RNF139: variants seen among roughly 807,000 people sequenced by gnomAD.
The protein encoded by RNF139 is ring finger protein 139.
RNF139 carries 15 observed loss-of-function variants against 49.5 expected under a neutral mutation model. The observed-to-expected ratio is 0.30, with a 90% CI of 0.20 to 0.47. The LOEUF (loss-of-function observed/expected upper bound fraction) is 0.47. Among genes scored for constraint, RNF139 ranks in the 20% least tolerant of loss-of-function variants. The pLI is 1.00. For missense variants in RNF139, 619 were observed against 806.3 expected, an observed-to-expected ratio of 0.77 and a Z score of 2.81; for synonymous variants, 325 against 300.9, an observed-to-expected ratio of 1.08 and a Z score of -0.83.
intron 1 of RNF139, among the ~76,000 whole-genome samples, chr8:124,479,364 C>A (rs911216924): frequency 2.0e-5 from 3 of 152,120 alleles, no homozygotes; most frequent in African/African-American, 7.2e-5. Context: ...TGTATTGATA[C>A]AAATCTGTTC....
intron 1 of RNF139, among the ~76,000 whole-genome samples, chr8:124,479,370 T>A (rs942733945): frequency 1.3e-5 from 2 of 152,200 alleles, no homozygotes. Context: ...GATACAAATC[T>A]GTTCATTGTA....
rs572621528 is a variant in RNF139, at chr8:124,477,646, C to A, written c.181+2356C>A. ...CAACCGGTTAGAAAATAAAGCAACT[C>A]ATTTTGGAGATCCAAATAAAATTCT... On this transcript the variant is annotated intron_variant, in intron 1 of 1. Transcript: ENST00000303545. Among the ~76,000 whole-genome samples, 5 of 152,298 alleles carry A rather than the reference C, an allele frequency of 3.3e-5. No individual in the cohort carries two copies. The East Asian group carries it at 9.6e-4, about 29-fold the overall frequency.
At position 124,487,301 on chromosome 8, in the gene RNF139, A is replaced by T. The variant is rs771664220; in HGVS notation, c.1652A>T (p.Tyr551Phe). ...QEINDVCAIC[Y>F]HEFTTSARIT... ...ATAAATGATGTATGTGCAATCTGCT[A>T]TCATGAGTTTACAACATCTGCTCGT... Residue 551 changes from tyrosine (Y) to phenylalanine (F), a missense_variant, in exon 2 of 2, where the codon TAT becomes TTT. Physicochemically the swap from Tyr to Phe is conservative, Grantham distance 22. Coordinates refer to ENST00000303545, the MANE Select transcript of RNF139 (RefSeq NM_007218.4). 1 of 1,614,120 alleles carries T rather than the reference A, an allele frequency of 6.2e-7. No homozygotes were observed. The highest frequency in any genetic ancestry group is 8.5e-7 in the Non-Finnish European group (1 of 1,179,994).
At chr8:124,481,969 T>C (rs1816419523) in intron 1 of RNF139, among the ~76,000 whole-genome samples, 1 of 152,170 alleles carries the variant, frequency 6.6e-6, no homozygotes, top group Admixed American at 6.5e-5. Flanking sequence ...GGAACGTGAC[T>C]ATAAAAGGAA....
At chr8:124,484,086 A>G (rs551916708) in intron 1 of RNF139, among the ~76,000 whole-genome samples, 12 of 152,320 alleles carry the variant, frequency 7.9e-5, no homozygotes, top group African/African-American at 2.6e-4. Context: ...CAAAGAAAGT[A>G]GGTTTCTAGG....
Position 124,475,064 on chromosome 8 carries a change from C to G in RNF139, c.-46C>G. 1 of 1,346,214 alleles carries G rather than the reference C, an allele frequency of 7.4e-7. No individual in the cohort carries two copies. Among genetic ancestry groups the G allele is most frequent in the Non-Finnish European group, 9.5e-7 (1 of 1,052,244 alleles). The allele number at this position is 1,346,214 out of a possible 1,614,324, so 83.4% of individuals were successfully genotyped here. The stretch of plus-strand genomic sequence containing the variant: ...CCGGCCGCGGCCCCGGGCCCTGCCC[C>G]GCGCGGCCCTGCCCGGCCCACCGAG... On this transcript the variant is annotated 5_prime_UTR_variant, in exon 1 of 2. Transcript: ENST00000303545.
Position 124,486,987 on chromosome 8 carries a change from T to A in RNF139, c.1338T>A (p.Ile446=). ...TCACTGTTTATACGTTATTCATGAT[T>A]GATGGCTACTATAATGTCCTCTGGG... ...VSLTVYTLFM[I]DGYYNVLWEK... Residue 446 remains isoleucine, a synonymous_variant, in exon 2 of 2, where the codon ATT becomes ATA. Coordinates refer to ENST00000303545, the MANE Select transcript of RNF139 (RefSeq NM_007218.4). The A allele has an allele frequency of 6.2e-7, 1 of 1,614,098 alleles. No homozygotes were observed. The highest frequency in any genetic ancestry group is 1.3e-5 in the African/African-American group (1 of 75,040).
intron 1 of RNF139, among the ~76,000 whole-genome samples, chr8:124,482,157 ATTAT>A (rs1202831693): frequency 1.8e-4 from 28 of 152,264 alleles, no homozygotes; most frequent in African/African-American, 6.7e-4. Flanking sequence ...GTCTTACTAC[ATTAT>A]TTGTCTATCT....
In RNF139 at chr8:124,487,713, C is replaced by G; in HGVS notation, c.*69C>G. The G allele has an allele frequency of 6.9e-7, 1 of 1,443,816 alleles. No individual in the cohort carries two copies. Among genetic ancestry groups the G allele is most frequent in the African/African-American group, 1.4e-5 (1 of 70,624 alleles). 89.4% of individuals were successfully genotyped at this position (1,443,816 alleles called of 1,614,324 possible). On this transcript the variant is annotated 3_prime_UTR_variant, in exon 2 of 2. Coordinates refer to ENST00000303545, the MANE Select transcript of RNF139 (RefSeq NM_007218.4). ...CAGTTCATCCAAAATGGAGTAATAT[C>G]CTTCACCTTCAGTGTGTAACCAAGC...
rs1193814222 is a variant in RNF139, at chr8:124,486,173, G to C, written c.524G>C (p.Arg175Thr). The change falls in exon 2 of 2, where the codon AGA becomes ACA. Residue 175 changes from arginine (R) to threonine (T), a missense_variant. Arg to Thr is a moderately conservative substitution (Grantham distance 71, BLOSUM62 -1). This residue lies in a region of RNF139 where 530 missense variants were observed against 728.9 expected (regional missense o/e 0.73). Transcript: ENST00000303545. ...GLITELPLHI[R>T]ETLLFTSSLI... ...ATCACAGAGCTACCATTACACATCA[G>C]AGAGACTTTACTGTTTACTTCTTCC... is the stretch of plus-strand genomic sequence containing the variant. The C allele has an allele frequency of 6.2e-7, 1 of 1,614,068 alleles. No individual in the cohort carries two copies. Among genetic ancestry groups the C allele is most frequent in the Non-Finnish European group, 8.5e-7 (1 of 1,180,028 alleles).
intron 1 of RNF139, among the ~76,000 whole-genome samples, chr8:124,475,513 T>C (rs1816299510): frequency 6.6e-6 from 1 of 152,192 alleles, no homozygotes; most frequent in Non-Finnish European, 1.5e-5. Flanking sequence ...GTGTTGTACC[T>C]GAGTGAGGTG....
At position 124,488,504 on chromosome 8, in the gene RNF139, C is replaced by T; in HGVS notation, c.*860C>T. 1 of 675,662 alleles carries T rather than the reference C, an allele frequency of 1.5e-6. No individual in the cohort carries two copies. The highest frequency in any genetic ancestry group is 2.6e-6 in the Non-Finnish European group (1 of 386,396). The allele number at this position is 675,662 out of a possible 1,614,324, so 41.9% of individuals were successfully genotyped here. A position where few individuals can be genotyped will look rare whatever the true frequency, so the allele number is the denominator to read the frequency against. On this transcript the variant is annotated 3_prime_UTR_variant, in exon 2 of 2. Transcript: ENST00000303545. The stretch of plus-strand genomic sequence containing the variant: ...TACCGATATATAGTATTTCTTTAGA[C>T]AACTTGCAGATAATTTCTTTATTGA...
chr8:124,481,684 T>C (rs1359200991), intron 1 of RNF139, among the ~76,000 whole-genome samples: 1 of 152,054 alleles, frequency 6.6e-6, no homozygotes, highest in Non-Finnish European at 1.5e-5. Context: ...GTAAATTCTG[T>C]TCTCAAAATT....
chr8:124,477,454 A>G (rs962246383), intron 1 of RNF139, among the ~76,000 whole-genome samples: 9 of 152,208 alleles, frequency 5.9e-5, no homozygotes, highest in Admixed American at 5.9e-4. Flanking sequence ...AAGTCTTACC[A>G]CTTGTCAACC....
chr8:124,485,808 G>A (rs1213761897), intron 1 of RNF139, 23 bp from the exon 2 acceptor site: 3 of 1,542,104 alleles, frequency 1.9e-6, no homozygotes, highest in Non-Finnish European at 2.6e-6. Context: ...TCATTCAAAT[G>A]ACTTTTTCTT....
rs758863491 is a variant in RNF139 at position 124,487,601 on chromosome 8, A to G, written c.1952A>G (p.His651Arg). 2 of 1,610,964 alleles carry G rather than the reference A, an allele frequency of 1.2e-6. No individual in the cohort carries two copies. Among genetic ancestry groups the G allele is most frequent in the African/African-American group, 1.3e-5 (1 of 74,840 alleles). The change falls in exon 2 of 2, where the codon CAC (histidine) becomes CGC (arginine). Residue 651 changes from histidine (H) to arginine (R), a missense_variant. Coordinates refer to ENST00000303545, the MANE Select transcript of RNF139 (RefSeq NM_007218.4). ...VQRERNGVIQ[H>R]TGAAAEEFND... ...AGAGAAAGAAATGGAGTGATTCAGC[A>G]CACAGGCGCAGCAGCTGAAGAATTT...
In RNF139 at chr8:124,487,752, C is replaced by A; in HGVS notation, c.*108C>A. On this transcript the variant is annotated 3_prime_UTR_variant, in exon 2 of 2. Transcript: ENST00000303545. ...GTGTAACCAAGCACAAAAACAGTAT[C>A]AATGTTGAATCTGTGAATGGTTTTC... 9.3e-7 allele frequency: 1 copy of A among 1,080,886 alleles called. No homozygotes were observed. The highest frequency in any genetic ancestry group is 1.3e-6 in the Non-Finnish European group (1 of 766,872). The allele number at this position is 1,080,886 out of a possible 1,614,324, so 67.0% of individuals were successfully genotyped here.
At chr8:124,484,817 G>A (rs988649572) in intron 1 of RNF139, among the ~76,000 whole-genome samples, 2 of 152,056 alleles carry the variant, frequency 1.3e-5, no homozygotes, top group Non-Finnish European at 2.9e-5. Flanking sequence ...TTTGTAATGT[G>A]AAGAACAATA....
intron 1 of RNF139, among the ~76,000 whole-genome samples, chr8:124,480,318 G>A (rs941302484): frequency 9.6e-5 from 14 of 146,116 alleles, no homozygotes; most frequent in African/African-American, 1.8e-4. Flanking sequence ...TTGATAAACC[G>A]AATGATATTG....
Sources: gnomAD v4.1 joint callset for allele counts (sites outside exome capture counted in the v4.1 genomes callset) on GRCh38, gnomAD v4.1.1 for gene constraint, gnomAD v4.1.1 regional missense constraint, MANE v1.5 for transcripts, NCBI Gene and HGNC (gene_info 2026-07-23, HGNC 2026-07-21) for gene names.